The following CREB5 variants were observed in gnomAD, a reference collection of about 807,000 sequenced individuals.
CREB5 encodes the protein cyclic AMP-responsive element-binding protein 5.
A neutral mutation model predicts 57.1 loss-of-function variants in CREB5; 19 were observed. The observed-to-expected ratio is 0.33, with a 90% CI of 0.23 to 0.49. CREB5 has a LOEUF of 0.49. CREB5 is among the 20% of genes least tolerant of loss of function. The pLI, the probability that CREB5 is intolerant of heterozygous loss-of-function variation, is 0.99. For synonymous variants in CREB5, 238 were observed against 238.3 expected, an observed-to-expected ratio of 1.00 and a Z score of 0.01; for missense variants, 579 against 671.6, an observed-to-expected ratio of 0.86 and a Z score of 1.52.
intron 5 of CREB5, among the ~76,000 whole-genome samples, chr7:28,633,779 A>G (rs530075622): frequency 2.0e-5 from 3 of 152,300 alleles, no homozygotes; most frequent in African/African-American, 7.2e-5. Flanking sequence ...ATAAAGACAG[A>G]GGTAGTGGTC....
At chr7:28,419,476 T>TCAAC (rs1162028548) in intron 1 of CREB5, among the ~76,000 whole-genome samples, 1,501 of 152,362 alleles carry the variant, frequency 9.9e-3, no homozygotes, top group Non-Finnish European at 0.017. Context: ...TGTTGATTAA[T>TCAAC]AGTGCAATTT....
At chr7:28,480,188 T>C (rs1457676882) in intron 1 of CREB5, among the ~76,000 whole-genome samples, 1 of 152,154 alleles carries the variant, frequency 6.6e-6, no homozygotes, top group Admixed American at 6.5e-5. Flanking sequence ...AGTATCTATC[T>C]AGAGGCAGAG....
intron 1 of CREB5, among the ~76,000 whole-genome samples, chr7:28,469,100 A>G (rs1274414715): frequency 1.3e-5 from 2 of 152,222 alleles, no homozygotes; most frequent in Admixed American, 1.3e-4. Context: ...ATGTGCCTGT[A>G]GTCCCAACTA....
At chr7:28,588,262 C>A (rs1796371607) in intron 5 of CREB5, among the ~76,000 whole-genome samples, 1 of 152,110 alleles carries the variant, frequency 6.6e-6, no homozygotes, top group African/African-American at 2.4e-5. Flanking sequence ...AAAGTCAGAT[C>A]TTAACAAAAC....
intron 1 of CREB5, among the ~76,000 whole-genome samples, chr7:28,439,231 G>T (rs1180265018): frequency 6.6e-6 from 1 of 152,082 alleles, no homozygotes; most frequent in African/African-American, 2.4e-5. Context: ...ACCCTCTGTT[G>T]GTTCTTCACT....
chr7:28,670,140 C>T (rs904118377), intron 5 of CREB5, among the ~76,000 whole-genome samples: 1 of 152,122 alleles, frequency 6.6e-6, no homozygotes. Context: ...GTGATCATAC[C>T]GAACCCTCTA....
At chr7:28,622,176 G>A (rs1379524041) in intron 5 of CREB5, among the ~76,000 whole-genome samples, 3 of 152,052 alleles carry the variant, frequency 2.0e-5, no homozygotes, top group African/African-American at 2.4e-5. Flanking sequence ...TCCTGTGAGC[G>A]AAACTTGGTG....
chr7:28,576,918 C>T (rs1332910742), intron 5 of CREB5, among the ~76,000 whole-genome samples: 2 of 152,208 alleles, frequency 1.3e-5, no homozygotes, highest in Non-Finnish European at 2.9e-5. Flanking sequence ...ACTACTTCTA[C>T]AGCAACCAGC....
At chr7:28,675,445 T>C (rs1800273996) in intron 5 of CREB5, among the ~76,000 whole-genome samples, 1 of 152,142 alleles carries the variant, frequency 6.6e-6, no homozygotes, top group African/African-American at 2.4e-5. Context: ...TATCAGTATA[T>C]GAAATAAGGA....
intron 5 of CREB5, among the ~76,000 whole-genome samples, chr7:28,585,796 CAT>C (rs1796284804): frequency 6.6e-6 from 1 of 152,148 alleles, no homozygotes; most frequent in African/African-American, 2.4e-5. Context: ...AGCAACTAGA[CAT>C]ATTCATTGTC....
At chr7:28,811,492 T>G (rs1263638214) in intron 9 of CREB5, among the ~76,000 whole-genome samples, 2 of 152,102 alleles carry the variant, frequency 1.3e-5, no homozygotes, top group Non-Finnish European at 1.5e-5. Context: ...TGGACTCAAG[T>G]GTTCCTCCCA....
At chr7:28,658,953 GTATATA>G (rs72106956) in intron 5 of CREB5, among the ~76,000 whole-genome samples, 2,055 of 99,584 alleles carry the variant, frequency 0.021, 116 homozygotes, top group African/African-American at 0.049. Flanking sequence ...GTGTGTGTGT[GTATATA>G]TATATATATA....
At chr7:28,385,329 G>A (rs7786438) in intron 1 of CREB5, among the ~76,000 whole-genome samples, 33,183 of 151,934 alleles carry the variant, frequency 0.22, 4,292 homozygotes, top group African/African-American at 0.36. Context: ...TACACATATG[G>A]GTCTTCTGCA....
At position 28,537,104 on chromosome 7, in the gene CREB5, A is replaced by G. The variant is rs540698912; in HGVS notation, c.291+29367A>G. Among the ~76,000 whole-genome samples the G allele has an allele frequency of 5.9e-5, 9 of 152,360 alleles. No homozygotes were observed. The East Asian group carries it at 1.7e-3, about 29-fold the overall frequency. ...GATTGGCTCCATTTTTAAGGTAAGGAAACTGAGATTTAGAGAGGTTGAATT... is the reference window on the plus strand; with the variant it reads ...GATTGGCTCCATTTTTAAGGTAAGGGAACTGAGATTTAGAGAGGTTGAATT... On this transcript the variant is annotated intron_variant, in intron 4 of 10. Transcript: ENST00000357727.
intron 7 of CREB5, among the ~76,000 whole-genome samples, chr7:28,785,877 T>C (rs1016714835): frequency 1.3e-5 from 2 of 152,232 alleles, no homozygotes; most frequent in African/African-American, 4.8e-5. Context: ...CTCCACGGGA[T>C]AGAATCCAAA....
intron 5 of CREB5, among the ~76,000 whole-genome samples, chr7:28,585,491 C>T (rs1246815629): frequency 2.0e-5 from 3 of 152,178 alleles, no homozygotes; most frequent in Non-Finnish European, 4.4e-5. Flanking sequence ...GGCTCATTTT[C>T]GTGACCGATC....
intron 4 of CREB5, among the ~76,000 whole-genome samples, chr7:28,545,026 G>A (rs1337355836): frequency 6.6e-6 from 1 of 152,170 alleles, no homozygotes; most frequent in African/African-American, 2.4e-5. Flanking sequence ...GTAGGAAGAG[G>A]CAGATAAGGA....
At chr7:28,405,851 T>C (rs1218460010) in intron 1 of CREB5, among the ~76,000 whole-genome samples, 1 of 152,124 alleles carries the variant, frequency 6.6e-6, no homozygotes, top group Non-Finnish European at 1.5e-5. Context: ...TCAAAGGATG[T>C]GTGTGTGGTG....
At chr7:28,392,549 A>G (rs918484624) in intron 1 of CREB5, among the ~76,000 whole-genome samples, 1 of 152,218 alleles carries the variant, frequency 6.6e-6, no homozygotes, top group African/African-American at 2.4e-5. Context: ...ATGTGGGATT[A>G]CATGTTATGG....
Sources: gnomAD v4.1 joint callset for allele counts (sites outside exome capture counted in the v4.1 genomes callset) on GRCh38, gnomAD v4.1.1 for gene constraint, MANE v1.5 for transcripts, NCBI Gene and HGNC (gene_info 2026-07-23, HGNC 2026-07-21) for gene names.